The following NUBPL variants were observed in gnomAD, a reference collection of about 807,000 sequenced individuals.
NUBPL encodes iron-sulfur cluster transfer protein NUBPL.
In NUBPL, 31 loss-of-function variants were observed where a neutral mutation model predicts 45.7. That is an observed-to-expected ratio of 0.68 (90% CI 0.51 to 0.92). The LOEUF (loss-of-function observed/expected upper bound fraction) is 0.92. Among genes scored for constraint, NUBPL ranks in the 40% least tolerant of loss-of-function variants. The pLI, the probability that NUBPL is intolerant of heterozygous loss-of-function variation, is 0.00. For synonymous variants in NUBPL, 144 were observed against 140.9 expected (o/e 1.02, Z -0.15); for missense variants, 401 against 398.7 (o/e 1.01, Z -0.05).
chr14:31,636,564 G>A (rs1450775255), intron 4 of NUBPL, among the ~76,000 whole-genome samples: 2 of 152,042 alleles, frequency 1.3e-5, no homozygotes, highest in African/African-American at 4.8e-5. Flanking sequence ...TTTTGGTTGT[G>A]TCTCTGCCTG....
At chr14:31,634,901 C>T (rs2139673987) in intron 4 of NUBPL, among the ~76,000 whole-genome samples, 1 of 147,834 alleles carries the variant, frequency 6.8e-6, no homozygotes, top group East Asian at 1.9e-4. Context: ...TGAGAAGTGT[C>T]TGTTCATATC....
At chr14:31,681,781 T>C (rs964165024) in intron 6 of NUBPL, among the ~76,000 whole-genome samples, 6 of 152,130 alleles carry the variant, frequency 3.9e-5, no homozygotes, top group East Asian at 1.9e-4. Flanking sequence ...TTCCTTCTTT[T>C]GCCTACAAAT....
chr14:31,837,471 A>G (rs2040300370), intron 8 of NUBPL, among the ~76,000 whole-genome samples: 2 of 152,254 alleles, frequency 1.3e-5, no homozygotes, highest in South Asian at 4.1e-4. Context: ...AGCACTGTCC[A>G]GTGGAAATAT....
chr14:31,715,720 G>A (rs1432341204), intron 6 of NUBPL, among the ~76,000 whole-genome samples: 2 of 152,174 alleles, frequency 1.3e-5, no homozygotes, highest in Admixed American at 1.3e-4. Context: ...TAAGTGAGTG[G>A]TGAGTGAATG....
chr14:31,687,480 G>A (rs2036980814), intron 6 of NUBPL, among the ~76,000 whole-genome samples: 1 of 152,142 alleles, frequency 6.6e-6, no homozygotes, highest in South Asian at 2.1e-4. Context: ...CAAGAGAAAT[G>A]TAAACAAATG....
intron 3 of NUBPL, among the ~76,000 whole-genome samples, chr14:31,592,677 A>G (rs2034173465): frequency 6.6e-6 from 1 of 152,164 alleles, no homozygotes; most frequent in South Asian, 2.1e-4. Context: ...GATTATTATT[A>G]TTATGATCCT....
At chr14:31,821,408 A>G (rs1007957318) in intron 7 of NUBPL, among the ~76,000 whole-genome samples, 1 of 152,240 alleles carries the variant, frequency 6.6e-6, no homozygotes, top group Non-Finnish European at 1.5e-5. Flanking sequence ...AAAAGAAGTC[A>G]TACAGTGGCA....
chr14:31,747,754 G>A (rs79376169), intron 6 of NUBPL, among the ~76,000 whole-genome samples: 7,097 of 151,742 alleles, frequency 0.047, 217 homozygotes, highest in Admixed American at 0.066. Context: ...TTTAAAAAAC[G>A]CTTTTTGTTT....
chr14:31,784,071 T>C (rs369363350), intron 6 of NUBPL, among the ~76,000 whole-genome samples: 1 of 152,094 alleles, frequency 6.6e-6, no homozygotes, highest in East Asian at 1.9e-4. Context: ...AAAGAGTTTA[T>C]TAACGTGAAA....
At chr14:31,578,949 A>G (rs900994469) in intron 3 of NUBPL, among the ~76,000 whole-genome samples, 2 of 152,214 alleles carry the variant, frequency 1.3e-5, no homozygotes, top group African/African-American at 4.8e-5. Context: ...GCAATAACTG[A>G]CGAGTTAGAT....
intron 4 of NUBPL, among the ~76,000 whole-genome samples, chr14:31,668,667 C>T (rs1284085491): frequency 8.5e-5 from 13 of 152,206 alleles, no homozygotes; most frequent in Admixed American, 3.3e-4. Flanking sequence ...GTGCTTGAAA[C>T]CCAGGGCGCT....
chr14:31,677,972 C>T (rs1403199699), intron 6 of NUBPL, among the ~76,000 whole-genome samples: 1 of 152,184 alleles, frequency 6.6e-6, no homozygotes, highest in Non-Finnish European at 1.5e-5. Flanking sequence ...AGAAGTCTAC[C>T]TGGTGTTCTG....
intron 6 of NUBPL, among the ~76,000 whole-genome samples, chr14:31,677,923 G>A (rs1057479555): frequency 5.3e-5 from 8 of 152,214 alleles, no homozygotes; most frequent in African/African-American, 1.9e-4. Context: ...TGGGTCCAGA[G>A]ATGCCATCTG....
At chr14:31,658,349 A>T (rs576235055) in intron 4 of NUBPL, among the ~76,000 whole-genome samples, 2 of 152,262 alleles carry the variant, frequency 1.3e-5, no homozygotes, top group South Asian at 4.1e-4. Context: ...TAATATTCTG[A>T]TCTTCGGCTA....
intron 7 of NUBPL, among the ~76,000 whole-genome samples, chr14:31,801,579 A>C (rs1490131760): frequency 6.6e-6 from 1 of 152,160 alleles, no homozygotes; most frequent in Non-Finnish European, 1.5e-5. Flanking sequence ...CTACAAACAG[A>C]ATATTTATGT....
chr14:31,634,959 G>C (rs2139674246), intron 4 of NUBPL, among the ~76,000 whole-genome samples: 1 of 150,102 alleles, frequency 6.7e-6, no homozygotes, highest in East Asian at 1.9e-4. Context: ...TTGTAAATTT[G>C]TTTGAGTTCA....
chr14:31,759,812 C>T (rs910598783), intron 6 of NUBPL, among the ~76,000 whole-genome samples: 2 of 150,852 alleles, frequency 1.3e-5, no homozygotes, highest in Non-Finnish European at 2.9e-5. Flanking sequence ...CAGTACATTA[C>T]ATGAGATGTT....
At chr14:31,592,190 G>T (rs972801463) in intron 3 of NUBPL, among the ~76,000 whole-genome samples, 1 of 152,206 alleles carries the variant, frequency 6.6e-6, no homozygotes, top group Non-Finnish European at 1.5e-5. Context: ...AGGCCAATAG[G>T]TGGGAGCATG....
chr14:31,776,675 A>G (rs541170888), intron 6 of NUBPL, among the ~76,000 whole-genome samples: 53 of 152,328 alleles, frequency 3.5e-4, no homozygotes, highest in African/African-American at 1.3e-3. Flanking sequence ...GGGGTCCAAC[A>G]GCAACTGAAA....
Sources: allele counts gnomAD v4.1 joint callset (sites outside exome capture counted in the v4.1 genomes callset), GRCh38; gene constraint gnomAD v4.1.1; transcripts MANE v1.5; gene names NCBI Gene and HGNC (gene_info 2026-07-23, HGNC 2026-07-21).